RBM33: variants seen among roughly 807,000 people sequenced by gnomAD.
RBM33 encodes the protein RNA-binding protein 33.
Under a neutral mutation model 132.6 loss-of-function variants are expected in RBM33, and 28 were observed. The observed-to-expected ratio is 0.21, with a 90% CI of 0.16 to 0.29. The LOEUF is 0.29. Ranked by LOEUF, RBM33 falls within the 10% of genes least tolerant of loss-of-function variation. RBM33 has a pLI of 1.00. For synonymous variants in RBM33, 634 were observed against 593.0 expected, an observed-to-expected ratio of 1.07 and a Z score of -1.01; for missense variants, 1,291 against 1,518.5, an observed-to-expected ratio of 0.85 and a Z score of 2.49.
At chr7:155,673,795 CACA>C (rs1799074183) in intron 3 of RBM33, among the ~76,000 whole-genome samples, 2 of 144,272 alleles carry the variant, frequency 1.4e-5, no homozygotes, top group African/African-American at 5.7e-5. Flanking sequence ...CACACACACA[CACA>C]CACCCCTACC....
intron 8 of RBM33, among the ~76,000 whole-genome samples, 179 bp from the exon 9 acceptor site, chr7:155,718,206 T>A (rs1800520851): frequency 6.6e-6 from 1 of 152,218 alleles, no homozygotes; most frequent in African/African-American, 2.4e-5. Flanking sequence ...AAACTTCTGC[T>A]TTCCCCTTTT....
chr7:155,687,693 A>G (rs1799519454), intron 5 of RBM33, among the ~76,000 whole-genome samples: 1 of 152,178 alleles, frequency 6.6e-6, no homozygotes, highest in African/African-American at 2.4e-5. Flanking sequence ...CTTTCTACAT[A>G]TGGCTAGCCA....
chr7:155,704,371 C>T (rs1217208194), intron 6 of RBM33, among the ~76,000 whole-genome samples: 1 of 152,148 alleles, frequency 6.6e-6, no homozygotes, highest in African/African-American at 2.4e-5. Context: ...AACTACATAC[C>T]TAGGAAATAA....
chr7:155,718,121 A>G (rs1800518919), intron 8 of RBM33, among the ~76,000 whole-genome samples: 1 of 152,222 alleles, frequency 6.6e-6, no homozygotes, highest in African/African-American at 2.4e-5. Flanking sequence ...CTTTTGTTGC[A>G]AAATATTTTA....
chr7:155,745,094 T>C lies in RBM33; in HGVS notation c.2471T>C (p.Leu824Pro). 6.2e-7 allele frequency: 1 copy of C among 1,602,562 alleles called. No homozygotes were observed. The highest frequency in any genetic ancestry group is 8.5e-7 in the Non-Finnish European group (1 of 1,174,130). The change falls in exon 14 of 18, where the codon CTG becomes CCG. Residue 824 changes from leucine (L) to proline (P), a missense_variant. Around this residue, in one of 7 missense-constraint regions of RBM33, gnomAD observed 841 missense variants for 912.0 expected, o/e 0.92. Transcript: ENST00000401878. The surrounding 1 kb of genome is among the most constrained non-coding windows in gnomAD (Gnocchi z 4.1). ...GCTGGTGCCAGGAAGAAGGAGCTGC[T>C]GGAGAGACTCGCGCAGCAACAGCAG... ...QQAGARKKELLERLAQQQQQL... is the reference protein window; with the variant it reads ...QQAGARKKELPERLAQQQQQL...
chr7:155,714,052 G>GGA (rs1357533948), intron 8 of RBM33, among the ~76,000 whole-genome samples: 4 of 152,148 alleles, frequency 2.6e-5, no homozygotes, highest in Non-Finnish European at 5.9e-5. Flanking sequence ...GAGGCGCTTT[G>GGA]GAGCATCCGT....
intron 1 of RBM33, among the ~76,000 whole-genome samples, chr7:155,662,409 C>A (rs942859013): frequency 6.6e-6 from 1 of 152,176 alleles, no homozygotes; most frequent in African/African-American, 2.4e-5. Context: ...TCCCAGTTAG[C>A]TCTCACCAGA....
intron 9 of RBM33, among the ~76,000 whole-genome samples, chr7:155,727,306 G>A (rs1028298951): frequency 2.6e-5 from 4 of 152,160 alleles, no homozygotes; most frequent in African/African-American, 7.2e-5. Context: ...CTGTTGGCCA[G>A]AGTCTAGCCA....
intron 14 of RBM33, among the ~76,000 whole-genome samples, chr7:155,761,861 A>T (rs1802047423): frequency 6.6e-6 from 1 of 152,192 alleles, no homozygotes; most frequent in Non-Finnish European, 1.5e-5. Context: ...CTTGAGGTAG[A>T]AACTCAAATG....
At chr7:155,739,515 A>G in intron 11 of RBM33, 200 bp from the exon 12 acceptor site, 1 of 603,978 alleles carries the variant, frequency 1.7e-6, no homozygotes, top group East Asian at 2.9e-5. Context: ...TTACTGGATT[A>G]AATATAAAAT....
chr7:155,665,561 C>T (rs567799008), intron 2 of RBM33, among the ~76,000 whole-genome samples: 1 of 152,314 alleles, frequency 6.6e-6, no homozygotes, highest in East Asian at 1.9e-4. Flanking sequence ...TGGCCTTGTG[C>T]CAGAGTTCTT....
At chr7:155,748,975 G>A (rs566235675) in intron 14 of RBM33, among the ~76,000 whole-genome samples, 2 of 152,296 alleles carry the variant, frequency 1.3e-5, no homozygotes, top group African/African-American at 4.8e-5. Flanking sequence ...ATTTCTTGCT[G>A]TATAGAGATT....
chr7:155,660,518 G>T (rs1392040593), intron 1 of RBM33, among the ~76,000 whole-genome samples: 2 of 152,232 alleles, frequency 1.3e-5, no homozygotes, highest in Non-Finnish European at 2.9e-5. Flanking sequence ...ATGTCTTTAT[G>T]AAAGATCATG....
intron 9 of RBM33, among the ~76,000 whole-genome samples, chr7:155,728,363 A>G (rs1009709503): frequency 3.3e-5 from 5 of 151,774 alleles, no homozygotes; most frequent in Non-Finnish European, 5.9e-5. Flanking sequence ...CTCCCTCCTC[A>G]CTGCCCTTCA....
chr7:155,668,040 C>G (rs1431524434), intron 2 of RBM33, among the ~76,000 whole-genome samples: 1 of 151,976 alleles, frequency 6.6e-6, no homozygotes, highest in African/African-American at 2.4e-5. Flanking sequence ...AAAATATAGC[C>G]ACAATAGTTA....
At chr7:155,661,760 G>A (rs554452262) in intron 1 of RBM33, among the ~76,000 whole-genome samples, 1 of 152,044 alleles carries the variant, frequency 6.6e-6, no homozygotes, top group East Asian at 1.9e-4. Context: ...TTTTCTTTCG[G>A]TTTTTTGATC....
rs1800297488 is a variant in RBM33 at position 155,711,472 on chromosome 7, A to G, written c.1201+17A>G. 7.2e-7 allele frequency: 1 copy of G among 1,391,302 alleles called. No individual in the cohort carries two copies. Among genetic ancestry groups the G allele is most frequent in the Non-Finnish European group, 9.4e-7 (1 of 1,062,624 alleles). 86.2% of individuals were successfully genotyped at this position (1,391,302 alleles called of 1,614,324 possible). The stretch of plus-strand genomic sequence containing the variant: ...CTGTTCAAGGTCTGTGTTTCCTTTT[A>G]CTATTGTAAAGCATAGATGGCCCCA... On this transcript the variant is annotated intron_variant, in intron 8 of 17. Transcript: ENST00000401878.
intron 2 of RBM33, among the ~76,000 whole-genome samples, chr7:155,669,919 G>A (rs1179187772): frequency 6.6e-6 from 1 of 152,184 alleles, no homozygotes; most frequent in African/African-American, 2.4e-5. Context: ...GAAGCCAGAG[G>A]TTAGGACCGG....
chr7:155,722,002 C>T (rs1206380723), intron 9 of RBM33, among the ~76,000 whole-genome samples: 1 of 152,152 alleles, frequency 6.6e-6, no homozygotes, highest in Non-Finnish European at 1.5e-5. Context: ...GCATGTCCTT[C>T]CCTAGTCCCT....
Sources: allele counts gnomAD v4.1 joint callset (sites outside exome capture counted in the v4.1 genomes callset), GRCh38; gene constraint gnomAD v4.1.1; regional missense constraint gnomAD v4.1.1; non-coding constraint Gnocchi (gnomAD v3.1); transcripts MANE v1.5; gene names NCBI Gene and HGNC (gene_info 2026-07-23, HGNC 2026-07-21).